The following DLG4 variants were observed in gnomAD, a reference collection of about 807,000 sequenced individuals.
DLG4 encodes the protein discs large MAGUK scaffold protein 4, also known as disks large homolog 4.
Under a neutral mutation model 93.8 loss-of-function variants are expected in DLG4, and 7 were observed. The observed-to-expected ratio is 0.07, with a 90% CI of 0.04 to 0.14. The LOEUF (loss-of-function observed/expected upper bound fraction) is 0.14. DLG4 is among the 10% of genes least tolerant of loss of function. The pLI is 1.00. For missense variants in DLG4, 545 were observed against 992.9 expected (o/e 0.55, Z 6.06); for synonymous variants, 341 against 387.6 (o/e 0.88, Z 1.41).
At chr17:7,205,234 T>TC (rs1365980687) in intron 2 of DLG4, 5 of 905,366 alleles carry the variant, frequency 5.5e-6, no homozygotes, top group Admixed American at 6.2e-5. Flanking sequence ...ATCTACTCCC[T>TC]CCCCCCACTT....
chr17:7,195,275 G>C lies in DLG4; in HGVS notation c.1302-780C>G, dbSNP rs1023441887. Reference sequence around the variant, plus strand: ...GCCTGGAGAGGAGGGAGGAGACCCCGGGCCCCCTGGAAGTGTGACAACCAG... The same window carrying C: ...GCCTGGAGAGGAGGGAGGAGACCCCCGGCCCCCTGGAAGTGTGACAACCAG... On this transcript the variant is annotated intron_variant, in intron 11 of 19. Coordinates refer to ENST00000399506, the MANE Select transcript of DLG4 (RefSeq NM_001321075.3). The surrounding 1 kb of genome is among the most constrained non-coding windows in gnomAD (Gnocchi z 4.3). 2.0e-5 allele frequency among the ~76,000 whole-genome samples: 3 copies of C among 152,102 alleles called. No homozygotes were observed. Among genetic ancestry groups the C allele is most frequent in the Admixed American group, 6.5e-5 (1 of 15,270 alleles).
Position 7,194,028 on chromosome 17 carries a change from G to C in DLG4, c.1479-28C>G, listed in dbSNP as rs371743350. ...GTGGGATACATGGAGGGATACGCGG[G>C]TAGGGGAATGCCTACCCCCTGCCAC... is the stretch of plus-strand genomic sequence containing the variant. On this transcript the variant is annotated intron_variant, in intron 12 of 19. Transcript: ENST00000399506. The surrounding 1 kb of genome is among the most constrained non-coding windows in gnomAD (Gnocchi z 4.4). 5.6e-6 allele frequency: 9 copies of C among 1,611,214 alleles called. No homozygotes were observed. In the African/African-American group the frequency reaches 1.2e-4, roughly 22 times the overall value.
At position 7,208,094 on chromosome 17, in the gene DLG4, G is replaced by GCCA; in HGVS notation, c.96+79_96+80insTGG. ...TCCTACCTTGAAGGGGGAGAGGTGG[G>GCCA]CGTGGCCCACGACCCCGTGGCCAGC... On this transcript the variant is annotated intron_variant, in intron 2 of 19. Transcript: ENST00000399506. This position sits in a 1 kb window ranked among gnomAD's most constrained non-coding sequence, Gnocchi z 5.4. The GCCA allele has an allele frequency of 7.6e-7, 1 of 1,317,064 alleles. No homozygotes were observed. The highest frequency in any genetic ancestry group is 1.5e-5 in the African/African-American group (1 of 66,486). 81.6% of individuals were successfully genotyped at this position (1,317,064 alleles called of 1,614,324 possible).
In DLG4 at chr17:7,193,418, G is replaced by C; in HGVS notation, c.1693+65C>G. The C allele has an allele frequency of 6.9e-7, 1 of 1,443,212 alleles. No individual in the cohort carries two copies. Among genetic ancestry groups the C allele is most frequent in the Non-Finnish European group, 9.2e-7 (1 of 1,081,620 alleles). The allele number at this position is 1,443,212 out of a possible 1,614,324, so 89.4% of individuals were successfully genotyped here. A position where few individuals can be genotyped will look rare whatever the true frequency, so the allele number is the denominator to read the frequency against. On this transcript the variant is annotated intron_variant, in intron 16 of 19. Coordinates refer to ENST00000399506, the MANE Select transcript of DLG4 (RefSeq NM_001321075.3). This position sits in a 1 kb window ranked among gnomAD's most constrained non-coding sequence, Gnocchi z 6.7. ...CAGGAGGCTCTGCCTATGGCCCCAGGGATGGGCCTCCCCTGCCCCACCCCC... is the reference window on the plus strand; with the variant it reads ...CAGGAGGCTCTGCCTATGGCCCCAGCGATGGGCCTCCCCTGCCCCACCCCC...
At position 7,192,028 on chromosome 17, in the gene DLG4, G is replaced by C. The variant is rs540087847; in HGVS notation, c.1867-26C>G. On this transcript the variant is annotated intron_variant, in intron 17 of 19. Coordinates refer to ENST00000399506, the MANE Select transcript of DLG4 (RefSeq NM_001321075.3). ...CTGGGGGCAGGCAGGGTGGGCGGAG[G>C]GGGGCCAGCGGGTGGCGAGAAAGGA... The C allele has an allele frequency of 5.4e-6, 7 of 1,288,346 alleles. No individual in the cohort carries two copies. The African/African-American group carries it at 6.1e-5, about 11-fold the overall frequency. 79.8% of individuals were successfully genotyped at this position (1,288,346 alleles called of 1,614,324 possible). A position where few individuals can be genotyped will look rare whatever the true frequency, so the allele number is the denominator to read the frequency against.
chr17:7,217,350 TA>T lies in DLG4; in HGVS notation c.-204del. On this transcript the variant is annotated 5_prime_UTR_variant, in exon 1 of 20. Transcript: ENST00000399506. Reference sequence around the variant, plus strand: ...CGTGGGAGGGAGGGGAAGGGGGCCCTAAAAGGGGCTCCCCAGTGGAGGGGAG... The same window carrying T: ...CGTGGGAGGGAGGGGAAGGGGGCCCTAAAGGGGCTCCCCAGTGGAGGGGAG... The T allele has an allele frequency of 3.7e-6, 1 of 269,862 alleles. No individual in the cohort carries two copies. Among genetic ancestry groups the T allele is most frequent in the Non-Finnish European group, 4.9e-6 (1 of 203,156 alleles). 16.7% of individuals were successfully genotyped at this position (269,862 alleles called of 1,614,324 possible).
At position 7,190,677 on chromosome 17, in the gene DLG4, A is replaced by G. The variant is rs1204170251; in HGVS notation, c.*31T>C. Reference sequence around the variant, plus strand: ...GACCAAGGGCCCAGGTGATGGAGGCAGGGCGAGTCCAGGCCAAGCCAGGGC... The same window carrying G: ...GACCAAGGGCCCAGGTGATGGAGGCGGGGCGAGTCCAGGCCAAGCCAGGGC... On this transcript the variant is annotated 3_prime_UTR_variant, in exon 20 of 20. Transcript: ENST00000399506. The G allele has an allele frequency of 6.4e-7, 1 of 1,560,052 alleles. No homozygotes were observed. Among genetic ancestry groups the G allele is most frequent in the South Asian group, 1.1e-5 (1 of 90,040 alleles).
chr17:7,203,353 TG>T lies in DLG4; in HGVS notation c.506-25del, dbSNP rs755752451. On this transcript the variant is annotated intron_variant, in intron 6 of 19. Coordinates refer to ENST00000399506, the MANE Select transcript of DLG4 (RefSeq NM_001321075.3). This position sits in a 1 kb window ranked among gnomAD's most constrained non-coding sequence, Gnocchi z 7.2. ...ACCTGGATGGAGGGGAGGCCAGAGG[TG>T]GGTGCCCAGGAAGCAGGCTTGGGGG... The T allele has an allele frequency of 1.9e-6, 3 of 1,589,898 alleles. No individual in the cohort carries two copies. Among genetic ancestry groups the T allele is most frequent in the Non-Finnish European group, 2.6e-6 (3 of 1,161,990 alleles).
intron 1 of DLG4, among the ~76,000 whole-genome samples, chr17:7,212,102 T>C (rs2070737658): frequency 6.6e-6 from 1 of 151,926 alleles, no homozygotes; most frequent in African/African-American, 2.4e-5. Flanking sequence ...AAAACCTCAC[T>C]GGACATCTCG....
rs769371019 is a variant in DLG4, at chr17:7,208,056, G to A, written c.96+118C>T. The A allele has an allele frequency of 1.1e-5, 14 of 1,303,170 alleles. No homozygotes were observed. The highest frequency in any genetic ancestry group is 1.4e-5 in the Non-Finnish European group (14 of 1,019,212). The allele number at this position is 1,303,170 out of a possible 1,614,324, so 80.7% of individuals were successfully genotyped here. A position where few individuals can be genotyped will look rare whatever the true frequency, so the allele number is the denominator to read the frequency against. On this transcript the variant is annotated intron_variant, in intron 2 of 19. Coordinates refer to ENST00000399506, the MANE Select transcript of DLG4 (RefSeq NM_001321075.3). This position sits in a 1 kb window ranked among gnomAD's most constrained non-coding sequence, Gnocchi z 5.4. ...GCTCCGAGGGCCGCACTGGGGAGGG[G>A]GCCACCAGGGTCTCCTACCTTGAAG... is the stretch of plus-strand genomic sequence containing the variant.
At chr17:7,204,274 A>G (rs747759591) in intron 2 of DLG4, 22 bp from the exon 3 acceptor site, 8 of 1,567,748 alleles carry the variant, frequency 5.1e-6, no homozygotes, top group Non-Finnish European at 6.9e-6. Context: ...AACAAGAGAC[A>G]AAAAGCAGCC....
At chr17:7,209,591 G>A (rs1029729027) in intron 1 of DLG4, among the ~76,000 whole-genome samples, 2 of 152,152 alleles carry the variant, frequency 1.3e-5, no homozygotes, top group African/African-American at 2.4e-5. Flanking sequence ...GGGCAACACA[G>A]TGAAACCCTG....
At position 7,208,748 on chromosome 17, in the gene DLG4, C is replaced by T. The variant is rs2070592929; in HGVS notation, c.31-509G>A. Among the ~76,000 whole-genome samples the T allele has an allele frequency of 6.6e-6, 1 of 152,070 alleles. No individual in the cohort carries two copies. The highest frequency in any genetic ancestry group is 2.4e-5 in the African/African-American group (1 of 41,386). Reference sequence around the variant, plus strand: ...CTCTGCATGGCATCCTCCCCGCGCCCCACCTCCATGGCCTCAGTCTCCCCA... The same window carrying T: ...CTCTGCATGGCATCCTCCCCGCGCCTCACCTCCATGGCCTCAGTCTCCCCA... On this transcript the variant is annotated intron_variant, in intron 1 of 19. Transcript: ENST00000399506. This position sits in a 1 kb window ranked among gnomAD's most constrained non-coding sequence, Gnocchi z 5.4.
At chr17:7,216,592 C>T (rs1165226361) in intron 1 of DLG4, among the ~76,000 whole-genome samples, 2 of 152,160 alleles carry the variant, frequency 1.3e-5, no homozygotes, top group Non-Finnish European at 2.9e-5. Context: ...GCAGCCACCA[C>T]GAGATGCTTG....
intron 2 of DLG4, among the ~76,000 whole-genome samples, chr17:7,205,437 C>T (rs1275828785): frequency 1.3e-5 from 2 of 152,152 alleles, no homozygotes; most frequent in Non-Finnish European, 2.9e-5. Context: ...CAACCTACTT[C>T]CTCCTTAAAG....
upstream of DLG4, chr17:7,219,690 C>A (rs1490838408): frequency 1.5e-6 from 2 of 1,363,032 alleles, no homozygotes; most frequent in Admixed American, 3.0e-5. Flanking sequence ...TAAGCCCCTT[C>A]CTCTTCTGTC....
chr17:7,211,119 C>T (rs1567549509), intron 1 of DLG4, among the ~76,000 whole-genome samples: 1 of 7,688 alleles, frequency 1.3e-4, no homozygotes. Context: ...GGAGAAACGT[C>T]GGGAGGGGTG....
In DLG4 at chr17:7,202,470, G is replaced by C. The variant is rs143357323; in HGVS notation, c.787+433C>G. 8.1e-3 allele frequency among the ~76,000 whole-genome samples: 1,232 copies of C among 152,226 alleles called. 22 individuals carry two copies. Among genetic ancestry groups the C allele is most frequent in the African/African-American group, 0.029 (1,189 of 41,536 alleles). ...TGTTATTCCCTTAACATGCTGCCAT[G>C]TTTGCTTTGCTACTATATTATTGTA... On this transcript the variant is annotated intron_variant, in intron 8 of 19. Transcript: ENST00000399506.
rs755403556 is a variant in DLG4 at position 7,196,919 on chromosome 17, A to T, written c.921T>A (p.Ile307=). The T allele has an allele frequency of 6.2e-7, 1 of 1,613,714 alleles. No homozygotes were observed. Among genetic ancestry groups the T allele is most frequent in the South Asian group, 1.1e-5 (1 of 91,014 alleles). The change falls in exon 9 of 20, where the codon ATT becomes ATA. Residue 307 remains isoleucine (I), a synonymous_variant. Transcript: ENST00000399506. The surrounding 1 kb of genome is among the most constrained non-coding windows in gnomAD (Gnocchi z 8.3). ...VAKDLLGEED[I]PREPRRIVIH... is the part of the protein sequence containing the mutation. ...TCACAATTCGCCTCGGTTCTCGGGG[A>T]ATGTCTTCCTCCCCGAGCAGGTCCT...
Sources: gnomAD v4.1 joint callset for allele counts (sites outside exome capture counted in the v4.1 genomes callset) on GRCh38, gnomAD v4.1.1 for gene constraint, Gnocchi (gnomAD v3.1) non-coding constraint, MANE v1.5 for transcripts, NCBI Gene and HGNC (gene_info 2026-07-23, HGNC 2026-07-21) for gene names.